The following FUBP3 variants were observed in gnomAD, a reference collection of about 807,000 sequenced individuals.
FUBP3 encodes far upstream element binding protein 3, also known as far upstream element-binding protein 3.
A neutral mutation model predicts 85.6 loss-of-function variants in FUBP3; 28 were observed. The ratio of observed to expected loss-of-function variants is 0.33; its 90% CI spans 0.24 to 0.45. The LOEUF (loss-of-function observed/expected upper bound fraction) is 0.45. Among genes scored for constraint, FUBP3 ranks in the 20% least tolerant of loss-of-function variants. The probability of loss-of-function intolerance (pLI) is 1.00; values close to 1 mark genes in which losing one functional copy is unlikely to be tolerated. For synonymous variants in FUBP3, 271 were observed against 271.4 expected (o/e 1.00, Z 0.01); for missense variants, 583 against 755.1 (o/e 0.77, Z 2.67).
intron 2 of FUBP3, chr9:130,596,585 C>A (rs1830881291): frequency 5.6e-6 from 2 of 357,524 alleles, no homozygotes; most frequent in Non-Finnish European, 1.1e-5. Flanking sequence ...CGCCGTTGAA[C>A]TCCTGGGCTC....
chr9:130,624,527 C>CTGTGGGCTGCACGCAGCCCAGGAACA (rs1202944807), intron 11 of FUBP3, among the ~76,000 whole-genome samples: 2 of 152,150 alleles, frequency 1.3e-5, no homozygotes, highest in East Asian at 3.9e-4. Flanking sequence ...CTCGTTCAGC[C>CTGTGGGCTGCACGCAGCCCAGGAACA]TGTGGGCTGC....
intron 2 of FUBP3, among the ~76,000 whole-genome samples, chr9:130,605,557 A>G (rs1274594262): frequency 6.6e-6 from 1 of 152,250 alleles, no homozygotes; most frequent in Non-Finnish European, 1.5e-5. Context: ...TGGCAGTGAC[A>G]GTAGCTGCCT....
At chr9:130,607,652 A>G (rs1374651557) in intron 2 of FUBP3, among the ~76,000 whole-genome samples, 1 of 152,088 alleles carries the variant, frequency 6.6e-6, no homozygotes, top group Non-Finnish European at 1.5e-5. Flanking sequence ...TTGGACATAG[A>G]AGTTGGCCAT....
chr9:130,622,775 A>G lies in FUBP3; in HGVS notation c.839A>G (p.Gln280Arg). 6.3e-7 allele frequency: 1 copy of G among 1,597,974 alleles called. No homozygotes were observed. The highest frequency in any genetic ancestry group is 8.6e-7 in the Non-Finnish European group (1 of 1,167,142). The change falls in exon 10 of 19, where the codon CAG becomes CGG. Residue 280 changes from glutamine (Q) to arginine (R), a missense_variant. Physicochemically the swap from Gln to Arg is conservative, Grantham distance 43. Around this residue, in one of 3 missense-constraint regions of FUBP3, gnomAD observed 404 missense variants for 516.8 expected, o/e 0.78. Transcript: ENST00000319725. ...GRNGEMIKKI[Q>R]NDAGVRIQFK... ...AACGGGGAAATGATCAAAAAGATCC[A>G]GAATGATGCTGGTGTGAGGATTCAG...
At chr9:130,609,038 C>T (rs981841974) in intron 2 of FUBP3, among the ~76,000 whole-genome samples, 1 of 152,136 alleles carries the variant, frequency 6.6e-6, no homozygotes, top group Non-Finnish European at 1.5e-5. Context: ...TTCTGAATGC[C>T]CTTTTTAGCA....
At chr9:130,631,364 G>A (rs1018115212) in intron 13 of FUBP3, 193 bp from the exon 14 acceptor site, 6 of 1,405,108 alleles carry the variant, frequency 4.3e-6, no homozygotes, top group Non-Finnish European at 5.6e-6. Context: ...TGGTGGTATT[G>A]GTCGCTGGAG....
intron 13 of FUBP3, chr9:130,631,038 C>T (rs1830188626): frequency 1.2e-5 from 9 of 761,878 alleles, no homozygotes; most frequent in African/African-American, 1.8e-5. Context: ...GCCCCAGAGC[C>T]GTTCCCCTGC....
At chr9:130,631,273 G>A (rs886185896) in intron 13 of FUBP3, 2 of 1,342,362 alleles carry the variant, frequency 1.5e-6, no homozygotes, top group Admixed American at 3.4e-5. Context: ...GCCAGCCTAA[G>A]TTGACGGGAG....
rs1343028859 is a variant in FUBP3 at position 130,637,696 on chromosome 9, TA to T, written c.*675del. 3.9e-5 allele frequency: 6 copies of T among 152,436 alleles called. No homozygotes were observed. Among genetic ancestry groups the T allele is most frequent in the Admixed American group, 1.3e-4 (2 of 15,274 alleles). 9.4% of individuals were successfully genotyped at this position (152,436 alleles called of 1,614,324 possible). On this transcript the variant is annotated 3_prime_UTR_variant, in exon 19 of 19. Coordinates refer to ENST00000319725, the MANE Select transcript of FUBP3 (RefSeq NM_003934.2). The stretch of plus-strand genomic sequence containing the variant: ...TAAAAATGTGCTCGTGTGTTTAGCC[TA>T]CGTTTTTCTCATGCCTCCATTACCA...
At chr9:130,610,818 T>C (rs968039151) in intron 3 of FUBP3, among the ~76,000 whole-genome samples, 1 of 152,228 alleles carries the variant, frequency 6.6e-6, no homozygotes, top group Non-Finnish European at 1.5e-5. Context: ...ACAAAAGTTT[T>C]ATCCTGGGGT....
Position 130,585,164 on chromosome 9 carries a change from G to GA in FUBP3, c.84+5409dup, listed in dbSNP as rs202229532. On this transcript the variant is annotated intron_variant, in intron 1 of 18. Coordinates refer to ENST00000319725, the MANE Select transcript of FUBP3 (RefSeq NM_003934.2). ...GACAAAGTGAGACTCTGTCTCAAAAGAAAAAAAAAGATTTCTGGTTTCCCT... is the reference window on the plus strand; with the variant it reads ...GACAAAGTGAGACTCTGTCTCAAAAGAAAAAAAAAAGATTTCTGGTTTCCCT... Among the ~76,000 whole-genome samples the GA allele has an allele frequency of 5.7e-3, 863 of 150,934 alleles. 12 individuals are homozygous for GA. The highest frequency in any genetic ancestry group is 0.019 in the African/African-American group (799 of 41,202).
intron 12 of FUBP3, 30 bp downstream of exon 12, chr9:130,626,535 C>T (rs761998528): frequency 6.2e-7 from 1 of 1,607,284 alleles, no homozygotes; most frequent in Non-Finnish European, 8.5e-7. Flanking sequence ...TCACATCCCC[C>T]CTCAGCTGTT....
At position 130,638,057 on chromosome 9, in the gene FUBP3, A is replaced by G. The variant is rs1830474407; in HGVS notation, c.*1035A>G. On this transcript the variant is annotated 3_prime_UTR_variant, in exon 19 of 19. Transcript: ENST00000319725. ...TGATTTCCAGTGTTTACTGTAGTGTATCTTGTACAGATAACATGTATTTTT... is the reference window on the plus strand; with the variant it reads ...TGATTTCCAGTGTTTACTGTAGTGTGTCTTGTACAGATAACATGTATTTTT... 6.6e-6 allele frequency: 1 copy of G among 152,594 alleles called. No individual in the cohort carries two copies. The highest frequency in any genetic ancestry group is 2.1e-4 in the South Asian group (1 of 4,836). 9.5% of individuals were successfully genotyped at this position (152,594 alleles called of 1,614,324 possible).
At chr9:130,628,450 CTA>C (rs1446218421) in intron 12 of FUBP3, among the ~76,000 whole-genome samples, 1 of 152,228 alleles carries the variant, frequency 6.6e-6, no homozygotes, top group Non-Finnish European at 1.5e-5. Context: ...CTGAATGAGT[CTA>C]TAGACAGCCA....
chr9:130,605,445 G>A (rs1831375583), intron 2 of FUBP3, among the ~76,000 whole-genome samples: 1 of 152,274 alleles, frequency 6.6e-6, no homozygotes, highest in African/African-American at 2.4e-5. Flanking sequence ...AGGGGAAGAT[G>A]AAGGGGTACA....
Position 130,636,097 on chromosome 9 carries a change from A to G in FUBP3, c.1681A>G (p.Thr561Ala), listed in dbSNP as rs377081991. 4 of 1,613,592 alleles carry G rather than the reference A, an allele frequency of 2.5e-6. No individual in the cohort carries two copies. The highest frequency in any genetic ancestry group is 1.3e-5 in the African/African-American group (1 of 74,926). Residue 561 changes from threonine to alanine, a missense_variant, in exon 18 of 19, where the codon ACG becomes GCG. Coordinates refer to ENST00000319725, the MANE Select transcript of FUBP3 (RefSeq NM_003934.2). ...ACAGCAGGTCGCTTTCTACGGACAG[A>G]CGTTAGGGCAGGCGCAGGCCCACAG... Reference protein sequence around the residue: ...YRQQVAFYGQTLGQAQAHSQE... With the variant: ...YRQQVAFYGQALGQAQAHSQE...
At chr9:130,585,305 C>G (rs900758489) in intron 1 of FUBP3, among the ~76,000 whole-genome samples, 29 of 152,176 alleles carry the variant, frequency 1.9e-4, no homozygotes, top group South Asian at 1.0e-3. Flanking sequence ...TCTTCATTCC[C>G]GCCATCTTGC....
intron 1 of FUBP3, among the ~76,000 whole-genome samples, chr9:130,585,202 G>A (rs1281749517): frequency 6.6e-6 from 1 of 152,150 alleles, no homozygotes; most frequent in Admixed American, 6.6e-5. Flanking sequence ...AAAAGATCTG[G>A]CCACACTGCT....
intron 1 of FUBP3, among the ~76,000 whole-genome samples, chr9:130,592,419 T>C (rs1313038686): frequency 6.6e-6 from 1 of 152,216 alleles, no homozygotes; most frequent in Non-Finnish European, 1.5e-5. Context: ...TCACCAGTGG[T>C]AGATTGCCAA....
Sources: allele counts gnomAD v4.1 joint callset (sites outside exome capture counted in the v4.1 genomes callset), GRCh38; gene constraint gnomAD v4.1.1; regional missense constraint gnomAD v4.1.1; transcripts MANE v1.5; gene names NCBI Gene and HGNC (gene_info 2026-07-23, HGNC 2026-07-21).